The following RAP2C variants were observed in gnomAD, a reference collection of about 807,000 sequenced individuals.
RAP2C encodes the protein RAP2C, member of RAS oncogene family.
Under a neutral mutation model 8.9 loss-of-function variants are expected in RAP2C, and 3 were observed. The ratio of observed to expected loss-of-function variants is 0.34; its 90% CI spans 0.15 to 0.87. RAP2C has a LOEUF of 0.87. RAP2C is among the 40% of genes least tolerant of loss of function. The pLI is 0.51. For synonymous variants in RAP2C, 60 were observed against 52.1 expected, an observed-to-expected ratio of 1.15 and a Z score of -0.65; for missense variants, 76 against 133.7, an observed-to-expected ratio of 0.57 and a Z score of 2.13.
rs965047351 is a variant in RAP2C at position 132,203,796 on chromosome X, T to C, written c.*1826A>G. 5.6e-4 allele frequency: 63 copies of C among 112,160 alleles called. No individual in the cohort carries two copies. The highest frequency in any genetic ancestry group is 2.0e-3 in the African/African-American group (63 of 30,901). The allele number at this position is 112,160 out of a possible 1,213,427, so 9.2% of individuals were successfully genotyped here. On this transcript the variant is annotated 3_prime_UTR_variant, in exon 6 of 6. Coordinates refer to ENST00000370874, the MANE Select transcript of RAP2C (RefSeq NM_001271186.2). ...CAAGCAGTTCATAAATAAGGAACAA[T>C]GTTTCAATTGCCTCTATCTTTACAA... is the stretch of plus-strand genomic sequence containing the variant.
intron 5 of RAP2C, among the ~76,000 whole-genome samples, chrX:132,212,070 G>A (rs1316813692): frequency 9.2e-6 from 1 of 109,154 alleles, no homozygotes; most frequent in Admixed American, 9.8e-5. Flanking sequence ...TGCATATAGT[G>A]CACTTTGTTC....
At chrX:132,214,590 C>A (rs984959211) in intron 4 of RAP2C, 144 bp from the exon 5 acceptor site, 1 of 1,072,334 alleles carries the variant, frequency 9.3e-7, no homozygotes, top group African/African-American at 1.9e-5. Context: ...ACAGAGAAAT[C>A]GTCATCATTT....
At chrX:132,208,557 CA>C (rs1185491747) in intron 5 of RAP2C, among the ~76,000 whole-genome samples, 48 of 109,385 alleles carry the variant, frequency 4.4e-4, no homozygotes, top group African/African-American at 1.5e-3. Context: ...AATAAATCAT[CA>C]AAAGTGCTAT....
chrX:132,218,409 C>T (rs924421402), intron 1 of RAP2C, 68 bp from the exon 2 acceptor site: 1 of 109,600 alleles, frequency 9.1e-6, no homozygotes, highest in Non-Finnish European at 1.9e-5. Context: ...CGTAGAAGCC[C>T]CTCCGACCTG....
In RAP2C at chrX:132,204,980, C is replaced by CAAAAAA. The variant is rs58119368; in HGVS notation, c.*636_*641dup. 1.2e-3 allele frequency: 63 copies of CAAAAAA among 51,512 alleles called. No homozygotes were observed. The highest frequency in any genetic ancestry group is 1.8e-3 in the East Asian group (3 of 1,678). The allele number at this position is 51,512 out of a possible 1,213,427, so 4.2% of individuals were successfully genotyped here. A position where few individuals can be genotyped will look rare whatever the true frequency, so the allele number is the denominator to read the frequency against. ...TGTAACCTTCAGAACATGTTAATTA[C>CAAAAAA]AAAAAAAAAAAAAAAAAAACAAAAC... On this transcript the variant is annotated 3_prime_UTR_variant, in exon 6 of 6. Coordinates refer to ENST00000370874, the MANE Select transcript of RAP2C (RefSeq NM_001271186.2).
Position 132,214,200 on chromosome X carries a change from C to T in RAP2C, c.520G>A (p.Asp174Asn). The T allele has an allele frequency of 8.3e-7, 1 of 1,211,491 alleles. No individual in the cohort carries two copies. Among genetic ancestry groups the T allele is most frequent in the African/African-American group, 1.7e-5 (1 of 57,809 alleles). ...ACGACACAAGTTGTACAACACTGAT[C>T]TTGCTTCTCCGGCAGGGATGAATAG... is the stretch of plus-strand genomic sequence containing the variant. ...MNYSSLPEKQ[D>N]QCCTTCVVQ is the part of the protein sequence containing the mutation. Residue 174 changes from aspartate (D) to asparagine (N), a missense_variant, in exon 5 of 6, where the codon GAT becomes AAT. Transcript: ENST00000370874.
chrX:132,217,455 G>C lies in RAP2C; in HGVS notation c.-187C>G. On this transcript the variant is annotated 5_prime_UTR_variant, in exon 4 of 6. Coordinates refer to ENST00000370874, the MANE Select transcript of RAP2C (RefSeq NM_001271186.2). ...GGGGAGGGGAAAGAGCGTAGAGTCG[G>C]GGAGGGTGGGGAAGGGATGGTAATG... The C allele has an allele frequency of 9.3e-6, 3 of 323,091 alleles. No individual in the cohort carries two copies. Among genetic ancestry groups the C allele is most frequent in the Non-Finnish European group, 1.6e-5 (3 of 186,387 alleles). 26.6% of individuals were successfully genotyped at this position (323,091 alleles called of 1,213,427 possible). A position where few individuals can be genotyped will look rare whatever the true frequency, so the allele number is the denominator to read the frequency against.
intron 5 of RAP2C, among the ~76,000 whole-genome samples, chrX:132,208,886 C>T (rs566630828): frequency 1.8e-5 from 2 of 111,169 alleles, no homozygotes; most frequent in African/African-American, 6.5e-5. Flanking sequence ...AGGCTGGTCT[C>T]GAACTCCTGG....
intron 1 of RAP2C, chrX:132,218,872 G>A (rs777396123): frequency 8.9e-6 from 1 of 112,406 alleles, no homozygotes; most frequent in South Asian, 3.6e-4. Context: ...GATTGGAAAC[G>A]GTTTAGGCCT....
At chrX:132,212,752 G>A (rs141964122) in intron 5 of RAP2C, among the ~76,000 whole-genome samples, 3,534 of 111,627 alleles carry the variant, frequency 0.032, 65 homozygotes, top group Middle Eastern at 0.06. Flanking sequence ...AAGAATATGG[G>A]ACTTGATCCA....
At position 132,217,348 on chromosome X, in the gene RAP2C, G is replaced by C. The variant is rs1930640778; in HGVS notation, c.-80C>G. On this transcript the variant is annotated 5_prime_UTR_variant, in exon 4 of 6. Coordinates refer to ENST00000370874, the MANE Select transcript of RAP2C (RefSeq NM_001271186.2). ...TGTGGCGCGGCTAGACGAGGCGGAAGGTGGGCGGAAATCTGCGAACTGGGG... is the reference window on the plus strand; with the variant it reads ...TGTGGCGCGGCTAGACGAGGCGGAACGTGGGCGGAAATCTGCGAACTGGGG... The C allele has an allele frequency of 2.1e-6, 2 of 951,531 alleles. No individual in the cohort carries two copies. The highest frequency in any genetic ancestry group is 7.5e-5 in the Admixed American group (2 of 26,842). The allele number at this position is 951,531 out of a possible 1,213,427, so 78.4% of individuals were successfully genotyped here.
At chrX:132,211,704 G>C (rs1930434303) in intron 5 of RAP2C, among the ~76,000 whole-genome samples, 1 of 112,036 alleles carries the variant, frequency 8.9e-6, no homozygotes, top group South Asian at 3.6e-4. Context: ...GCAATTCTTA[G>C]AGCATTAATA....
At chrX:132,218,578 T>G (rs1015741951) in intron 1 of RAP2C, 2 of 112,144 alleles carry the variant, frequency 1.8e-5, no homozygotes, top group African/African-American at 6.5e-5. Flanking sequence ...CTTGCTGGTA[T>G]TTCTTCCACT....
At chrX:132,216,220 C>T (rs1310985361) in intron 4 of RAP2C, among the ~76,000 whole-genome samples, 1 of 111,633 alleles carries the variant, frequency 9.0e-6, no homozygotes, top group East Asian at 2.8e-4. Flanking sequence ...GAGATTGGAC[C>T]ACATCCAGTT....
chrX:132,211,443 C>G (rs1034911004), intron 5 of RAP2C, among the ~76,000 whole-genome samples: 2 of 111,682 alleles, frequency 1.8e-5, no homozygotes, highest in Non-Finnish European at 3.8e-5. Context: ...CATTATACTG[C>G]TGCCATACAG....
chrX:132,204,222 T>A lies in RAP2C; in HGVS notation c.*1400A>T, dbSNP rs1299865275. On this transcript the variant is annotated 3_prime_UTR_variant, in exon 6 of 6. Coordinates refer to ENST00000370874, the MANE Select transcript of RAP2C (RefSeq NM_001271186.2). ...AGCTGCAGTTACTAACTTCTGCAAA[T>A]GAAAAGCACACAACTAAAATCAAAT... 8.9e-6 allele frequency: 1 copy of A among 112,295 alleles called. No homozygotes were observed. The highest frequency in any genetic ancestry group is 3.2e-5 in the African/African-American group (1 of 30,864). 9.3% of individuals were successfully genotyped at this position (112,295 alleles called of 1,213,427 possible). A position where few individuals can be genotyped will look rare whatever the true frequency, so the allele number is the denominator to read the frequency against.
chrX:132,204,670 GA>G lies in RAP2C; in HGVS notation c.*951del, dbSNP rs1412956648. 1.8e-5 allele frequency: 2 copies of G among 111,376 alleles called. No homozygotes were observed. Among genetic ancestry groups the G allele is most frequent in the African/African-American group, 6.5e-5 (2 of 30,604 alleles). The allele number at this position is 111,376 out of a possible 1,213,427, so 9.2% of individuals were successfully genotyped here. A position where few individuals can be genotyped will look rare whatever the true frequency, so the allele number is the denominator to read the frequency against. On this transcript the variant is annotated 3_prime_UTR_variant, in exon 6 of 6. Coordinates refer to ENST00000370874, the MANE Select transcript of RAP2C (RefSeq NM_001271186.2). ...CTAGAAAGTGTGTATGATTTTATTT[GA>G]ATTCAATTTTACATGTGCAGAAGTC... is the stretch of plus-strand genomic sequence containing the variant.
At chrX:132,206,693 G>A (rs767727112) in intron 5 of RAP2C, among the ~76,000 whole-genome samples, 52 of 111,813 alleles carry the variant, frequency 4.7e-4, no homozygotes, top group Non-Finnish European at 8.8e-4. Flanking sequence ...AGTGCTCAAA[G>A]AGCCTGAGAT....
chrX:132,206,546 TATC>T (rs1440235926), intron 5 of RAP2C, among the ~76,000 whole-genome samples: 1 of 112,438 alleles, frequency 8.9e-6, no homozygotes, highest in Admixed American at 9.4e-5. Flanking sequence ...TAAAAAATGT[TATC>T]ATAAAGCCAG....
Sources: gnomAD v4.1 joint callset for allele counts (sites outside exome capture counted in the v4.1 genomes callset) on GRCh38, gnomAD v4.1.1 for gene constraint, MANE v1.5 for transcripts, NCBI Gene and HGNC (gene_info 2026-07-23, HGNC 2026-07-21) for gene names.